EIF4G3: variants seen among roughly 807,000 people sequenced by gnomAD.
The protein encoded by EIF4G3 is eIF-4-gamma 3.
In EIF4G3, 34 loss-of-function variants were observed where a neutral mutation model predicts 186.4. The ratio of observed to expected loss-of-function variants is 0.18; its 90% CI spans 0.14 to 0.24. The LOEUF (loss-of-function observed/expected upper bound fraction) is 0.24, where lower values mean the gene tolerates loss of function less well. Ranked by LOEUF, EIF4G3 falls within the 10% of genes least tolerant of loss-of-function variation. The pLI, the probability that EIF4G3 is intolerant of heterozygous loss-of-function variation, is 1.00. For synonymous variants in EIF4G3, 673 were observed against 679.5 expected (o/e 0.99, Z 0.15); for missense variants, 1,536 against 1,948.5 (o/e 0.79, Z 3.99).
At position 20,878,148 on chromosome 1, in the gene EIF4G3, T is replaced by TA. The variant is rs200835572; in HGVS notation, c.2622+1174dup. On this transcript the variant is annotated intron_variant, in intron 20 of 36. Coordinates refer to ENST00000602326, the MANE Select transcript of EIF4G3 (RefSeq NM_001391906.1). ...TCCCAAAGTGCTGAGATTACAGGCATAAGCCACCTTGCCCAGCCTGGAATT... is the reference window on the plus strand; with the variant it reads ...TCCCAAAGTGCTGAGATTACAGGCATAAAGCCACCTTGCCCAGCCTGGAATT... Among the ~76,000 whole-genome samples, 536 of 152,318 alleles carry TA rather than the reference T, an allele frequency of 3.5e-3. 12 individuals are homozygous for TA. The highest frequency in any genetic ancestry group is 0.032 in the Admixed American group (497 of 15,296).
chr1:20,928,832 T>C (rs1366349386), intron 14 of EIF4G3, among the ~76,000 whole-genome samples: 5 of 152,304 alleles, frequency 3.3e-5, no homozygotes, highest in Non-Finnish European at 7.4e-5. Flanking sequence ...TATATAACTT[T>C]AGAATATTTT....
chr1:20,948,523 G>C (rs940375841), intron 13 of EIF4G3, among the ~76,000 whole-genome samples: 1 of 152,022 alleles, frequency 6.6e-6, no homozygotes, highest in African/African-American at 2.4e-5. Context: ...TCAATACTCA[G>C]GGGGAAAATG....
chr1:21,090,963 C>T (rs1392307647), intron 2 of EIF4G3, among the ~76,000 whole-genome samples: 2 of 152,074 alleles, frequency 1.3e-5, no homozygotes, highest in African/African-American at 4.8e-5. Context: ...TCAATTTATG[C>T]TTTCTCTACT....
chr1:21,051,305 T>C (rs973431394), intron 3 of EIF4G3, among the ~76,000 whole-genome samples: 3 of 152,148 alleles, frequency 2.0e-5, no homozygotes, highest in Non-Finnish European at 4.4e-5. Flanking sequence ...TGATACCATT[T>C]TGTAAAAGGA....
intron 3 of EIF4G3, among the ~76,000 whole-genome samples, chr1:21,083,412 G>A (rs1054520430): frequency 2.6e-5 from 4 of 151,672 alleles, no homozygotes; most frequent in East Asian, 1.9e-4. Flanking sequence ...TCCTGGGCTC[G>A]AGCAGTCCTC....
chr1:20,873,375 A>G (rs2079771716), intron 20 of EIF4G3, among the ~76,000 whole-genome samples: 1 of 152,210 alleles, frequency 6.6e-6, no homozygotes, highest in Non-Finnish European at 1.5e-5. Flanking sequence ...TTGTGTATAT[A>G]CCTAAGAATT....
At chr1:20,817,287 T>TAAAAAAAAAAAAAAAAAA (rs201615179) in intron 34 of EIF4G3, 105 bp downstream of exon 34, 1 of 367,998 alleles carries the variant, frequency 2.7e-6, no homozygotes, top group African/African-American at 2.9e-5. Context: ...TAAAAAAAAA[T>TAAAAAAAAAAAAAAAAAA]AAAAATAAAA....
chr1:20,932,516 G>A (rs908298498), intron 14 of EIF4G3, among the ~76,000 whole-genome samples: 4 of 152,052 alleles, frequency 2.6e-5, no homozygotes, highest in Non-Finnish European at 5.9e-5. Context: ...AGCGGGAGAC[G>A]TATGACTCTT....
intron 13 of EIF4G3, among the ~76,000 whole-genome samples, chr1:20,943,962 TC>T (rs1390380768): frequency 2.4e-4 from 10 of 40,900 alleles, no homozygotes; most frequent in African/African-American, 6.5e-4. Flanking sequence ...GGAAAACTTG[TC>T]TTTATTTTTT....
intron 14 of EIF4G3, among the ~76,000 whole-genome samples, chr1:20,917,334 C>T (rs2093991798): frequency 6.6e-6 from 1 of 152,232 alleles, no homozygotes; most frequent in Middle Eastern, 3.4e-3. Flanking sequence ...TCTCTACAAA[C>T]AACAACAAAT....
At chr1:20,820,002 G>C (rs905288499) in intron 33 of EIF4G3, among the ~76,000 whole-genome samples, 1 of 152,128 alleles carries the variant, frequency 6.6e-6, no homozygotes, top group Admixed American at 6.5e-5. Context: ...AGCTGGGGCC[G>C]TACACTGCAT....
intron 4 of EIF4G3, among the ~76,000 whole-genome samples, chr1:21,024,000 A>G (rs2091504838): frequency 7.0e-6 from 1 of 143,268 alleles, no homozygotes; most frequent in African/African-American, 2.6e-5. Context: ...CAGTCTGAGA[A>G]GTGAGGAGAC....
chr1:21,051,408 T>C (rs1484446668), intron 3 of EIF4G3, among the ~76,000 whole-genome samples: 2 of 152,200 alleles, frequency 1.3e-5, no homozygotes, highest in Admixed American at 6.5e-5. Flanking sequence ...TTCTGTATCA[T>C]GCTTATAGTG....
chr1:20,864,742 T>C, intron 21 of EIF4G3, 30 bp from the exon 22 acceptor site: 1 of 1,565,782 alleles, frequency 6.4e-7, no homozygotes, highest in Non-Finnish European at 8.8e-7. Flanking sequence ...AATAGCATCT[T>C]GATGATGAAA....
chr1:20,830,597 A>G (rs1208120045), intron 30 of EIF4G3, among the ~76,000 whole-genome samples: 1 of 152,206 alleles, frequency 6.6e-6, no homozygotes, highest in African/African-American at 2.4e-5. Flanking sequence ...AGCATAAATT[A>G]AGCTGTTTAA....
chr1:21,169,575 A>G (rs1040687224), intron 2 of EIF4G3: 1 of 152,174 alleles, frequency 6.6e-6, no homozygotes, highest in Admixed American at 6.5e-5. Flanking sequence ...TGCTCTTATA[A>G]TCATAAGTTT....
rs531554492 is a variant in EIF4G3 at position 21,089,056 on chromosome 1, TCAAA to T, written c.-196+78_-196+81del. The T allele has an allele frequency of 4.9e-3, 3,288 of 666,090 alleles. 15 individuals carry two copies. The highest frequency in any genetic ancestry group is 7.7e-3 in the Middle Eastern group (32 of 4,146). The allele number at this position is 666,090 out of a possible 1,614,324, so 41.3% of individuals were successfully genotyped here. On this transcript the variant is annotated intron_variant, in intron 3 of 36. Coordinates refer to ENST00000602326, the MANE Select transcript of EIF4G3 (RefSeq NM_001391906.1). ...TTGCCAAAAATTTGTCATGTGTCAA[TCAAA>T]CAAACACTGCCTATAATTAATACCA...
intron 14 of EIF4G3, among the ~76,000 whole-genome samples, chr1:20,908,901 G>A (rs1390231269): frequency 3.3e-5 from 5 of 152,166 alleles, no homozygotes; most frequent in Non-Finnish European, 7.3e-5. Context: ...TGTATTCCCA[G>A]CACTTTGGGA....
chr1:20,941,466 C>G (rs371892100), intron 14 of EIF4G3, 25 bp downstream of exon 14: 2 of 1,605,218 alleles, frequency 1.2e-6, no homozygotes, highest in Non-Finnish European at 1.7e-6. Flanking sequence ...TCAGCAAGCA[C>G]GAGATTAATG....
Sources: allele counts gnomAD v4.1 joint callset (sites outside exome capture counted in the v4.1 genomes callset), GRCh38; gene constraint gnomAD v4.1.1; transcripts MANE v1.5; gene names NCBI Gene and HGNC (gene_info 2026-07-23, HGNC 2026-07-21).